DOCK1: variants seen among roughly 807,000 people sequenced by gnomAD.
DOCK1 encodes dedicator of cytokinesis 1, also known as dedicator of cytokinesis protein 1.
A neutral mutation model predicts 262.7 loss-of-function variants in DOCK1; 138 were observed. The observed-to-expected ratio is 0.53, with a 90% CI of 0.46 to 0.61. DOCK1 has a LOEUF of 0.61. DOCK1 is among the 20% of genes least tolerant of loss of function. The probability of loss-of-function intolerance (pLI) is 0.00; values close to 1 mark genes in which losing one functional copy is unlikely to be tolerated. For synonymous variants in DOCK1, 866 were observed against 867.4 expected (o/e 1.00, Z 0.03); for missense variants, 1,908 against 2,370.7 (o/e 0.80, Z 4.05).
intron 27 of DOCK1, among the ~76,000 whole-genome samples, chr10:127,170,043 G>A (rs1231155088): frequency 6.6e-6 from 1 of 151,726 alleles, no homozygotes; most frequent in Non-Finnish European, 1.5e-5. Context: ...GGGAGAGCTG[G>A]CCTCACACCA....
At chr10:126,928,218 C>A (rs1181569978) in intron 1 of DOCK1, among the ~76,000 whole-genome samples, 1 of 152,198 alleles carries the variant, frequency 6.6e-6, no homozygotes, top group African/African-American at 2.4e-5. Flanking sequence ...CGAATAAGGG[C>A]CTGGAGGAAC....
chr10:126,927,552 T>G (rs1238600496), intron 1 of DOCK1, among the ~76,000 whole-genome samples: 1 of 152,120 alleles, frequency 6.6e-6, no homozygotes, highest in African/African-American at 2.4e-5. Flanking sequence ...TTCTCCTGCC[T>G]CAGCCTCCCG....
intron 12 of DOCK1, chr10:127,013,456 G>T (rs143913744): frequency 1.3e-5 from 2 of 152,212 alleles, no homozygotes; most frequent in African/African-American, 4.8e-5. Flanking sequence ...TCAGTGCTTC[G>T]AGCTGGGACT....
intron 46 of DOCK1, among the ~76,000 whole-genome samples, chr10:127,424,104 A>G (rs1024735931): frequency 8.5e-5 from 13 of 152,286 alleles, no homozygotes; most frequent in Admixed American, 4.6e-4. Flanking sequence ...GTGCATTGGA[A>G]TGTGTTTACT....
At chr10:127,343,507 C>T (rs2135758428) in intron 30 of DOCK1, 139 bp from the exon 31 acceptor site, 3 of 660,274 alleles carry the variant, frequency 4.5e-6, no homozygotes. Context: ...TGGTTAGCAA[C>T]ATGTATAGAG....
At chr10:126,958,068 T>A (rs2036889962) in intron 1 of DOCK1, among the ~76,000 whole-genome samples, 1 of 152,070 alleles carries the variant, frequency 6.6e-6, no homozygotes, top group Admixed American at 6.6e-5. Flanking sequence ...GGGAGAAAAA[T>A]CTCCTAGAGA....
chr10:127,396,259 C>T (rs1243617397), intron 38 of DOCK1, among the ~76,000 whole-genome samples: 1 of 152,154 alleles, frequency 6.6e-6, no homozygotes, highest in Non-Finnish European at 1.5e-5. Context: ...CATAGAGAGT[C>T]CTGGGCCAGG....
At position 127,100,442 on chromosome 10, in the gene DOCK1, G is replaced by A. The variant is rs539985839; in HGVS notation, c.2446-5789G>A. 3.9e-5 allele frequency among the ~76,000 whole-genome samples: 6 copies of A among 152,330 alleles called. No individual in the cohort carries two copies. The South Asian group carries it at 1.2e-3, about 32-fold the overall frequency. On this transcript the variant is annotated intron_variant, in intron 23 of 51. Coordinates refer to ENST00000623213, the MANE Select transcript of DOCK1 (RefSeq NM_001290223.2). The surrounding 1 kb of genome is among the most constrained non-coding windows in gnomAD (Gnocchi z 5.5). ...CACTGGAATCCCTAGGGAAGGCGAG[G>A]CAGCGGTGGCTTCCACCAAGGCAGG...
chr10:127,377,068 T>C (rs965666871), intron 35 of DOCK1, among the ~76,000 whole-genome samples: 1 of 152,250 alleles, frequency 6.6e-6, no homozygotes, highest in Non-Finnish European at 1.5e-5. Flanking sequence ...TTATTAACTT[T>C]CTTCAAATGG....
intron 19 of DOCK1, among the ~76,000 whole-genome samples, chr10:127,041,238 C>A (rs2043993316): frequency 6.6e-6 from 1 of 152,292 alleles, no homozygotes; most frequent in Admixed American, 6.5e-5. Context: ...GCTGGGATTA[C>A]AAGCGTGTGC....
In DOCK1 at chr10:127,175,016, G is replaced by T. The variant is rs1043335525; in HGVS notation, c.2847+47252G>T. 1.3e-5 allele frequency among the ~76,000 whole-genome samples: 2 copies of T among 152,178 alleles called. No homozygotes were observed. Among genetic ancestry groups the T allele is most frequent in the African/African-American group, 4.8e-5 (2 of 41,444 alleles). ...GAAAGATGAACATTAACCAGAAAGC[G>T]TATCGTGCAGGATGCAGTGACGTCT... On this transcript the variant is annotated intron_variant, in intron 27 of 51. Coordinates refer to ENST00000623213, the MANE Select transcript of DOCK1 (RefSeq NM_001290223.2). The surrounding 1 kb of genome is among the most constrained non-coding windows in gnomAD (Gnocchi z 6.3).
intron 38 of DOCK1, among the ~76,000 whole-genome samples, chr10:127,400,469 A>G (rs2067157682): frequency 6.6e-6 from 1 of 152,188 alleles, no homozygotes; most frequent in African/African-American, 2.4e-5. Flanking sequence ...GGAGGTGGGG[A>G]AGCAGCTTGG....
chr10:126,919,900 A>T (rs12770417), intron 1 of DOCK1, among the ~76,000 whole-genome samples: 99,404 of 152,110 alleles, frequency 0.65, 32,623 homozygotes, highest in Middle Eastern at 0.75. Context: ...AGATTTCATC[A>T]TAGCAAAATG....
intron 27 of DOCK1, among the ~76,000 whole-genome samples, chr10:127,132,034 C>G (rs1040695734): frequency 6.6e-6 from 1 of 152,162 alleles, no homozygotes; most frequent in African/African-American, 2.4e-5. Context: ...GAAATGTGGC[C>G]TCTTTCCATC....
chr10:127,200,237 A>G (rs533508643), intron 27 of DOCK1, among the ~76,000 whole-genome samples: 2 of 152,364 alleles, frequency 1.3e-5, no homozygotes, highest in South Asian at 4.1e-4. Context: ...AGAATAAAGT[A>G]GTGAAAGAAC....
chr10:126,990,388 A>G (rs1256113686), intron 5 of DOCK1, 67 bp from the exon 6 acceptor site: 3 of 1,481,104 alleles, frequency 2.0e-6, no homozygotes, highest in Non-Finnish European at 2.7e-6. Context: ...AGAGATAGCC[A>G]TTCTCTACCA....
chr10:127,313,366 G>C (rs1488309205), intron 29 of DOCK1, among the ~76,000 whole-genome samples: 1 of 152,102 alleles, frequency 6.6e-6, no homozygotes, highest in African/African-American at 2.4e-5. Context: ...TGGAAGAGTG[G>C]GTAAATGGAC....
At position 127,336,254 on chromosome 10, in the gene DOCK1, G is replaced by A. The variant is rs2063186682; in HGVS notation, c.3045-2752G>A. On this transcript the variant is annotated intron_variant, in intron 29 of 51. Coordinates refer to ENST00000623213, the MANE Select transcript of DOCK1 (RefSeq NM_001290223.2). ...GTGTGGGCTGTAGGATATCATTTAT[G>A]CATGTCCTGGAAGTTTCTGTGCAAG... Among the ~76,000 whole-genome samples, 3 of 152,164 alleles carry A rather than the reference G, an allele frequency of 2.0e-5. No homozygotes were observed. The South Asian group carries it at 6.2e-4, about 32-fold the overall frequency.
At chr10:127,082,164 A>C (rs1438975088) in intron 23 of DOCK1, among the ~76,000 whole-genome samples, 1 of 152,204 alleles carries the variant, frequency 6.6e-6, no homozygotes, top group African/African-American at 2.4e-5. Flanking sequence ...TTTTCCTGGC[A>C]GGAACCATTT....
Sources: allele counts gnomAD v4.1 joint callset (sites outside exome capture counted in the v4.1 genomes callset), GRCh38; gene constraint gnomAD v4.1.1; non-coding constraint Gnocchi (gnomAD v3.1); transcripts MANE v1.5; gene names NCBI Gene and HGNC (gene_info 2026-07-23, HGNC 2026-07-21).